LPL: variants seen among roughly 807,000 people sequenced by gnomAD.
LPL encodes phospholipase A1.
A neutral mutation model predicts 52.2 loss-of-function variants in LPL; 43 were observed. That is an observed-to-expected ratio of 0.82 (90% confidence interval 0.64 to 1.06). The LOEUF (loss-of-function observed/expected upper bound fraction) is 1.06, where lower values mean the gene tolerates loss of function less well. LPL is among the 50% of genes least tolerant of loss of function. The pLI is 0.00. For missense variants in LPL, 639 were observed against 585.3 expected (o/e 1.09, Z -0.95); for synonymous variants, 244 against 215.6 (o/e 1.13, Z -1.15).
chr8:19,940,493 T>A (rs936145877), intron 1 of LPL, among the ~76,000 whole-genome samples: 2 of 152,226 alleles, frequency 1.3e-5, no homozygotes, highest in African/African-American at 4.8e-5. Context: ...GTCCAGGCGT[T>A]CGGGGCCAAA....
intron 1 of LPL, among the ~76,000 whole-genome samples, chr8:19,940,726 A>C (rs1264218863): frequency 6.6e-6 from 1 of 152,226 alleles, no homozygotes; most frequent in African/African-American, 2.4e-5. Flanking sequence ...GAGTCTCTCC[A>C]TAGCTTTGAT....
In LPL at chr8:19,939,629, A is replaced by T. The variant is rs371735219; in HGVS notation, c.88+101A>T. ...AGAAGGAAGTTGGAAGGGGCGGTGGATGCGCCCAGGGACTCTCCCAGCCTG... is the reference window on the plus strand; with the variant it reads ...AGAAGGAAGTTGGAAGGGGCGGTGGTTGCGCCCAGGGACTCTCCCAGCCTG... On this transcript the variant is annotated intron_variant, in intron 1 of 9. Transcript: ENST00000650287. This position sits in a 1 kb window ranked among gnomAD's most constrained non-coding sequence, Gnocchi z 4.0. The T allele has an allele frequency of 6.5e-5, 80 of 1,236,402 alleles. 1 individual carries two copies. The highest frequency in any genetic ancestry group is 5.9e-4 in the East Asian group (23 of 39,276). The allele number at this position is 1,236,402 out of a possible 1,614,324, so 76.6% of individuals were successfully genotyped here.
intron 8 of LPL, 41 bp downstream of exon 8, chr8:19,961,124 C>G (rs1346095674): frequency 6.3e-7 from 1 of 1,585,322 alleles, no homozygotes; most frequent in Admixed American, 1.7e-5. Context: ...TAGACCCCCA[C>G]CTGATGTCAG....
In LPL at chr8:19,959,361, G is replaced by A; in HGVS notation, c.1120G>A (p.Glu374Lys). 6.2e-7 allele frequency: 1 copy of A among 1,614,092 alleles called. No homozygotes were observed. Among genetic ancestry groups the A allele is most frequent in the Non-Finnish European group, 8.5e-7 (1 of 1,180,020 alleles). Residue 374 changes from glutamate to lysine, a missense_variant, in exon 7 of 10, where the codon GAG becomes AAG. By Grantham distance (56) the Glu-to-Lys change is moderately conservative (BLOSUM62 1). Transcript: ENST00000650287. ...TCTGTATGGCACCGTGGCCGAGAGT[G>A]AGAACATCCCATTCACTCTGTGAGT... ...ISLYGTVAES[E>K]NIPFTLPEVS...
Position 19,939,497 on chromosome 8 carries a change from C to T in LPL, c.57C>T (p.Thr19=). 1 of 1,610,400 alleles carries T rather than the reference C, an allele frequency of 6.2e-7. No homozygotes were observed. ...LTLAVWLQSL[T]ASRGGVAAAD... ...TGGCCGTGTGGCTCCAGAGTCTGAC[C>T]GCCTCCCGCGGAGGGGTGGCCGCCG... The change falls in exon 1 of 10, where the codon ACC becomes ACT. Residue 19 remains threonine, a synonymous_variant. Coordinates refer to ENST00000650287, the MANE Select transcript of LPL (RefSeq NM_000237.3). The surrounding 1 kb of genome is among the most constrained non-coding windows in gnomAD (Gnocchi z 4.0).
chr8:19,956,208 C>A (rs755082364), intron 6 of LPL, 125 bp downstream of exon 6: 18 of 1,376,752 alleles, frequency 1.3e-5, no homozygotes, highest in Non-Finnish European at 1.7e-5. Context: ...AACCCTGAGC[C>A]CTGGTGTTTC....
Position 19,939,457 on chromosome 8 carries a change from T to C in LPL, c.17T>C (p.Leu6Pro). Residue 6 changes from leucine (L) to proline (P), a missense_variant, in exon 1 of 10, where the codon CTG becomes CCG. Coordinates refer to ENST00000650287, the MANE Select transcript of LPL (RefSeq NM_000237.3). This position sits in a 1 kb window ranked among gnomAD's most constrained non-coding sequence, Gnocchi z 4.0. ...CGCCCCGAGATGGAGAGCAAAGCCC[T>C]GCTCGTGCTGACTCTGGCCGTGTGG... The part of the protein sequence containing the change: MESKA[L>P]LVLTLAVWLQ... 6.2e-7 allele frequency: 1 copy of C among 1,610,404 alleles called. No homozygotes were observed. The highest frequency in any genetic ancestry group is 8.5e-7 in the Non-Finnish European group (1 of 1,178,878).
chr8:19,961,094 G>A lies in LPL; in HGVS notation c.1322+11G>A. On this transcript the variant is annotated intron_variant, in intron 8 of 9. Coordinates refer to ENST00000650287, the MANE Select transcript of LPL (RefSeq NM_000237.3). ...AGAGACTCAGAAAAAGTAATTAAAT[G>A]TATTTTTCTTCCTTCACTTTAGACC... is the stretch of plus-strand genomic sequence containing the variant. 2 of 1,612,916 alleles carry A rather than the reference G, an allele frequency of 1.2e-6. No individual in the cohort carries two copies. Among genetic ancestry groups the A allele is most frequent in the Non-Finnish European group, 1.7e-6 (2 of 1,179,606 alleles).
chr8:19,947,908 T>C (rs182903552), intron 1 of LPL, among the ~76,000 whole-genome samples: 1 of 151,984 alleles, frequency 6.6e-6, no homozygotes, highest in African/African-American at 2.4e-5. Context: ...TACACACACA[T>C]ACCCTGACTA....
rs71205952 is a variant in LPL at position 19,959,777 on chromosome 8, C to CTTTTTTTTTTTTTTTTTTTTTTTT, written c.1139+403_1139+426dup. Among the ~76,000 whole-genome samples, 3 of 65,098 alleles carry CTTTTTTTTTTTTTTTTTTTTTTTT rather than the reference C, an allele frequency of 4.6e-5. 1 individual carries two copies. Among genetic ancestry groups the CTTTTTTTTTTTTTTTTTTTTTTTT allele is most frequent in the African/African-American group, 2.0e-4 (3 of 15,128 alleles). 42.7% of individuals were successfully genotyped at this position (65,098 alleles called of 152,430 possible). A position where few individuals can be genotyped will look rare whatever the true frequency, so the allele number is the denominator to read the frequency against. Reference sequence around the variant, plus strand: ...AGAAGTCCATGACAAAGTGTTAGCTCTTTTTTTTTTTTTTTTTTTTTTTTT... The same window carrying CTTTTTTTTTTTTTTTTTTTTTTTT: ...AGAAGTCCATGACAAAGTGTTAGCTCTTTTTTTTTTTTTTTTTTTTTTTTTTTTTTTTTTTTTTTTTTTTTTTTT... On this transcript the variant is annotated intron_variant, in intron 7 of 9. Coordinates refer to ENST00000650287, the MANE Select transcript of LPL (RefSeq NM_000237.3).
chr8:19,943,815 T>A (rs910082991), intron 1 of LPL, among the ~76,000 whole-genome samples: 2 of 152,170 alleles, frequency 1.3e-5, no homozygotes, highest in African/African-American at 4.8e-5. Context: ...AGCCCTAATA[T>A]TGGAGAAAAT....
At position 19,965,740 on chromosome 8, in the gene LPL, A is replaced by G. The variant is rs2070081043; in HGVS notation, c.*430A>G. On this transcript the variant is annotated 3_prime_UTR_variant, in exon 10 of 10. Transcript: ENST00000650287. Reference sequence around the variant, plus strand: ...CAAACTTTACTCTAAGTCTCCAAGAATACAGAAAATGCTTTTCCGCGGCAC... The same window carrying G: ...CAAACTTTACTCTAAGTCTCCAAGAGTACAGAAAATGCTTTTCCGCGGCAC... 6.1e-6 allele frequency: 1 copy of G among 164,848 alleles called. No individual in the cohort carries two copies. The highest frequency in any genetic ancestry group is 1.8e-4 in the South Asian group (1 of 5,484). 10.2% of individuals were successfully genotyped at this position (164,848 alleles called of 1,614,324 possible).
chr8:19,959,623 T>C (rs2070019447), intron 7 of LPL, among the ~76,000 whole-genome samples: 1 of 152,132 alleles, frequency 6.6e-6, no homozygotes, highest in Non-Finnish European at 1.5e-5. Flanking sequence ...TTTATTTCTT[T>C]TATAAAGCTG....
chr8:19,959,198 T>A (rs2070014923), intron 6 of LPL, 62 bp from the exon 7 acceptor site: 1 of 1,610,294 alleles, frequency 6.2e-7, no homozygotes, highest in Admixed American at 1.7e-5. Flanking sequence ...ATTGCCTGAC[T>A]ATTTGGGGTT....
intron 1 of LPL, among the ~76,000 whole-genome samples, chr8:19,947,643 A>C: frequency 7.2e-6 from 1 of 139,448 alleles, no homozygotes; most frequent in African/African-American, 2.9e-5. Context: ...AAAAAACAAA[A>C]CAAAACAAAA....
intron 1 of LPL, among the ~76,000 whole-genome samples, chr8:19,940,238 C>T (rs1455910269): frequency 2.0e-5 from 3 of 152,242 alleles, no homozygotes; most frequent in Non-Finnish European, 4.4e-5. Flanking sequence ...TTTCTTAGTG[C>T]CCTGAGAACC....
rs187374932 is a variant in LPL, at chr8:19,967,168, A to G, written c.*1858A>G. The G allele has an allele frequency of 8.7e-4, 133 of 152,786 alleles. 1 individual carries two copies. The highest frequency in any genetic ancestry group is 3.0e-3 in the African/African-American group (125 of 41,580). 9.5% of individuals were successfully genotyped at this position (152,786 alleles called of 1,614,324 possible). On this transcript the variant is annotated 3_prime_UTR_variant, in exon 10 of 10. Coordinates refer to ENST00000650287, the MANE Select transcript of LPL (RefSeq NM_000237.3). Reference sequence around the variant, plus strand: ...CACAGAGCCAACTCACTCTTATGAAATGGGCTTTAACAAAACAAGAAAGAA... The same window carrying G: ...CACAGAGCCAACTCACTCTTATGAAGTGGGCTTTAACAAAACAAGAAAGAA...
At chr8:19,949,971 A>G (rs1433861251) in intron 2 of LPL, among the ~76,000 whole-genome samples, 1 of 152,240 alleles carries the variant, frequency 6.6e-6, no homozygotes, top group East Asian at 1.9e-4. Context: ...GTTCTTTTTC[A>G]TACTAAGATG....
In LPL at chr8:19,953,429, A is replaced by T. The variant is rs1307077819; in HGVS notation, c.541+8A>T. On this transcript the variant is annotated splice_region_variant and intron_variant, in intron 4 of 9. Transcript: ENST00000650287. ...AAGTCAACAGAATTACTGGTAAGAA[A>T]GCAATTTCGTTGGTCTTATCATAAG... is the stretch of plus-strand genomic sequence containing the variant. 1 of 1,602,356 alleles carries T rather than the reference A, an allele frequency of 6.2e-7. No individual in the cohort carries two copies. The highest frequency in any genetic ancestry group is 8.6e-7 in the Non-Finnish European group (1 of 1,169,480).
Sources: allele counts gnomAD v4.1 joint callset (sites outside exome capture counted in the v4.1 genomes callset), GRCh38; gene constraint gnomAD v4.1.1; non-coding constraint Gnocchi (gnomAD v3.1); transcripts MANE v1.5; gene names NCBI Gene and HGNC (gene_info 2026-07-23, HGNC 2026-07-21).